COL9A1: variants seen among roughly 807,000 people sequenced by gnomAD.
The protein encoded by COL9A1 is collagen alpha-1(IX) chain.
COL9A1 carries 104 observed loss-of-function variants against 142.6 expected under a neutral mutation model. The ratio of observed to expected loss-of-function variants is 0.73; its 90% confidence interval spans 0.62 to 0.86. The LOEUF is 0.86. Among genes scored for constraint, COL9A1 ranks in the 40% least tolerant of loss-of-function variants. COL9A1 has a pLI of 0.00. For synonymous variants in COL9A1, 466 were observed against 396.0 expected, an observed-to-expected ratio of 1.18 and a Z score of -2.10; for missense variants, 1,210 against 1,176.6, an observed-to-expected ratio of 1.03 and a Z score of -0.42.
intron 20 of COL9A1, among the ~76,000 whole-genome samples, chr6:70,257,078 T>G (rs1248692032): frequency 2.2e-5 from 2 of 91,820 alleles, no homozygotes; most frequent in Admixed American, 1.0e-4. Flanking sequence ...TTTTTTTTTG[T>G]AGACAGGGTT....
chr6:70,230,635 C>T (rs1257770363), intron 36 of COL9A1, among the ~76,000 whole-genome samples: 2 of 152,192 alleles, frequency 1.3e-5, no homozygotes, highest in Non-Finnish European at 2.9e-5. Context: ...CTAGAGCCAA[C>T]CCAACCCAGC....
At chr6:70,276,200 T>A (rs1772750964) in intron 10 of COL9A1, among the ~76,000 whole-genome samples, 1 of 152,156 alleles carries the variant, frequency 6.6e-6, no homozygotes, top group South Asian at 2.1e-4. Context: ...ACATGATTAG[T>A]TGCTAAGCAC....
intron 5 of COL9A1, among the ~76,000 whole-genome samples, chr6:70,288,798 C>T (rs1475906720): frequency 6.6e-6 from 1 of 152,158 alleles, no homozygotes; most frequent in Non-Finnish European, 1.5e-5. Flanking sequence ...ACTCAAGGCA[C>T]TCCAATATCC....
intron 37 of COL9A1, among the ~76,000 whole-genome samples, chr6:70,218,097 C>T (rs1432468032): frequency 1.3e-5 from 2 of 152,106 alleles, no homozygotes; most frequent in African/African-American, 4.8e-5. Flanking sequence ...GAGCCGAGAT[C>T]GCGCCACTGC....
intron 14 of COL9A1, 51 bp from the exon 15 acceptor site, chr6:70,270,418 A>G (rs113420190): frequency 2.1e-4 from 321 of 1,548,668 alleles, no homozygotes; most frequent in Non-Finnish European, 2.7e-4. Context: ...GTCAAAACAC[A>G]GTACATAAAA....
intron 37 of COL9A1, 119 bp from the exon 38 acceptor site, chr6:70,217,200 GGAT>G: frequency 2.4e-6 from 2 of 818,570 alleles, no homozygotes; most frequent in Middle Eastern, 4.5e-4. Flanking sequence ...TGGAAGCGAT[GGAT>G]GATGACTGGT....
chr6:70,232,617 C>A lies in COL9A1; in HGVS notation c.2469G>T (p.Gly823=), dbSNP rs1229185357. Residue 823 remains glycine, a synonymous_variant, in exon 36 of 38, where the codon GGG becomes GGT. Coordinates refer to ENST00000357250, the MANE Select transcript of COL9A1 (RefSeq NM_001851.6). ...MGIRGLPGIK[G]PPGALGLRGP... ...CCCTCAAACCAAGAGCACCAGGGGG[C>A]CCCTTAATGCCCGGAAGGCCACGAA... 1.9e-6 allele frequency: 3 copies of A among 1,614,072 alleles called. No homozygotes were observed. Among genetic ancestry groups the A allele is most frequent in the Middle Eastern group, 1.7e-4 (1 of 6,012 alleles).
chr6:70,225,928 T>C lies in COL9A1; in HGVS notation c.2581+4A>G, dbSNP rs1476490724. 6.2e-7 allele frequency: 1 copy of C among 1,613,492 alleles called. No individual in the cohort carries two copies. The highest frequency in any genetic ancestry group is 1.3e-5 in the African/African-American group (1 of 75,030). On this transcript the variant is annotated splice_donor_region_variant and intron_variant, in intron 37 of 37. Coordinates refer to ENST00000357250, the MANE Select transcript of COL9A1 (RefSeq NM_001851.6). Reference sequence around the variant, plus strand: ...TCCTCCTCTCAGCTATACAACACACTTACCTGGGAGACCTATAGCTCCAGG... The same window carrying C: ...TCCTCCTCTCAGCTATACAACACACCTACCTGGGAGACCTATAGCTCCAGG...
rs755501266 is a variant in COL9A1, at chr6:70,301,994, C to G, written c.88+7G>C. 1.1e-5 allele frequency: 17 copies of G among 1,605,896 alleles called. No homozygotes were observed. Among genetic ancestry groups the G allele is most frequent in the Middle Eastern group, 1.7e-4 (1 of 5,852 alleles). ...ATCTTTGAAAGTCTAGAAACTATGG[C>G]CCTTACTGGGGCGACGCTTGACAGC... On this transcript the variant is annotated splice_region_variant and intron_variant, in intron 2 of 37. Transcript: ENST00000357250.
chr6:70,282,117 A>G lies in COL9A1; in HGVS notation c.802-653T>C, dbSNP rs549033916. ...GGGCGTGACCCCTTTTATCGCTTGCAAACAGCTGCGTTTTGATGGTGCTAG... is the reference window on the plus strand; with the variant it reads ...GGGCGTGACCCCTTTTATCGCTTGCGAACAGCTGCGTTTTGATGGTGCTAG... On this transcript the variant is annotated intron_variant, in intron 7 of 37. Transcript: ENST00000357250. Among the ~76,000 whole-genome samples the G allele has an allele frequency of 4.6e-5, 7 of 152,328 alleles. No individual in the cohort carries two copies. In the East Asian group the frequency reaches 1.4e-3, roughly 29 times the overall value.
chr6:70,294,200 TCCCAGCACAGCAA>T lies in COL9A1; in HGVS notation c.650_662del (p.Phe217Ter). 6.2e-7 allele frequency: 1 copy of T among 1,614,058 alleles called. No individual in the cohort carries two copies. The highest frequency in any genetic ancestry group is 8.5e-7 in the Non-Finnish European group (1 of 1,179,926). On this transcript the variant is annotated frameshift_variant, in exon 5 of 38. Transcript: ENST00000357250. LOFTEE classifies it high-confidence loss of function. ...AAACTTGAGGATTATCTGCAAGTTT[TCCCAGCACAGCAA>T]AGCCATCAATGTCAATTGGGCCTCT...
At chr6:70,238,104 T>C (rs2127562296) in intron 33 of COL9A1, among the ~76,000 whole-genome samples, 1 of 152,040 alleles carries the variant, frequency 6.6e-6, no homozygotes, top group African/African-American at 2.4e-5. Context: ...TCTTAAAGAG[T>C]TTTAAACAGA....
At chr6:70,275,374 GA>G (rs886863056) in intron 10 of COL9A1, among the ~76,000 whole-genome samples, 11 of 152,174 alleles carry the variant, frequency 7.2e-5, no homozygotes, top group African/African-American at 2.6e-4. Context: ...AGAAACATTT[GA>G]AAGCATGCAT....
chr6:70,242,154 G>T, intron 29 of COL9A1, 119 bp from the exon 30 acceptor site: 1 of 850,610 alleles, frequency 1.2e-6, no homozygotes, highest in Non-Finnish European at 1.9e-6. Flanking sequence ...GTGGTTGGTT[G>T]AACTCTGCTT....
chr6:70,263,019 T>C (rs1771787669), intron 19 of COL9A1, among the ~76,000 whole-genome samples: 1 of 152,116 alleles, frequency 6.6e-6, no homozygotes. Context: ...TGTATGTAAA[T>C]TATAGGTAGA....
intron 18 of COL9A1, among the ~76,000 whole-genome samples, chr6:70,263,530 A>G (rs1318275794): frequency 6.6e-6 from 1 of 152,060 alleles, no homozygotes; most frequent in Non-Finnish European, 1.5e-5. Flanking sequence ...ACTATAAAAT[A>G]CCAGTAACAT....
Position 70,242,052 on chromosome 6 carries a change from A to G in COL9A1, c.1927-17T>C. The G allele has an allele frequency of 6.3e-7, 1 of 1,581,232 alleles. No homozygotes were observed. The highest frequency in any genetic ancestry group is 8.6e-7 in the Non-Finnish European group (1 of 1,161,032). On this transcript the variant is annotated splice_polypyrimidine_tract_variant and intron_variant, in intron 29 of 37. Transcript: ENST00000357250. ...CAGAGAACCCTGGAAAGCAAAAACA[A>G]AGTCCCCGGAGTTACTGTCACTGCA...
rs1226006070 is a variant in COL9A1 at position 70,234,629 on chromosome 6, G to A, written c.2260-36C>T. On this transcript the variant is annotated intron_variant, in intron 34 of 37. Transcript: ENST00000357250. ...AAAGAAAAAAAGGCAGTTTATGCATGAAACCATAAAGAGAACATTGTTAAG... is the reference window on the plus strand; with the variant it reads ...AAAGAAAAAAAGGCAGTTTATGCATAAAACCATAAAGAGAACATTGTTAAG... 6 of 1,612,236 alleles carry A rather than the reference G, an allele frequency of 3.7e-6. No individual in the cohort carries two copies. The African/African-American group carries it at 8.0e-5, about 22-fold the overall frequency.
chr6:70,243,458 A>G (rs1359859680), intron 28 of COL9A1, among the ~76,000 whole-genome samples: 1 of 152,210 alleles, frequency 6.6e-6, no homozygotes, highest in Non-Finnish European at 1.5e-5. Context: ...AAAGAAACAC[A>G]TGAACTTTTC....
Sources: gnomAD v4.1 joint callset for allele counts (sites outside exome capture counted in the v4.1 genomes callset) on GRCh38, gnomAD v4.1.1 for gene constraint, MANE v1.5 for transcripts, NCBI Gene and HGNC (gene_info 2026-07-23, HGNC 2026-07-21) for gene names.